IDH1: variants seen among roughly 807,000 people sequenced by gnomAD.
The protein encoded by IDH1 is isocitrate dehydrogenase [NADP] cytoplasmic.
IDH1 carries 33 observed loss-of-function variants against 46.1 expected under a neutral mutation model. The observed-to-expected ratio is 0.72, with a 90% confidence interval of 0.54 to 0.96. The LOEUF (loss-of-function observed/expected upper bound fraction) is 0.96, where lower values mean the gene tolerates loss of function less well. Ranked by LOEUF, IDH1 falls within the 40% of genes least tolerant of loss-of-function variation. The probability of loss-of-function intolerance (pLI) is 0.00; values close to 1 mark genes in which losing one functional copy is unlikely to be tolerated. For synonymous variants in IDH1, 144 were observed against 172.8 expected, an observed-to-expected ratio of 0.83 and a Z score of 1.31; for missense variants, 421 against 515.7, an observed-to-expected ratio of 0.82 and a Z score of 1.78.
chr2:208,254,499 C>T (rs761023294), intron 1 of IDH1: 1 of 152,308 alleles, frequency 6.6e-6, no homozygotes, highest in Admixed American at 6.5e-5. Flanking sequence ...TTCCTCGCCG[C>T]CTGAGTTGCC....
chr2:208,254,904 A>G (rs1262483496), intron 1 of IDH1, 35 bp downstream of exon 1: 3 of 152,356 alleles, frequency 2.0e-5, no homozygotes, highest in African/African-American at 4.8e-5. Flanking sequence ...CTCCACAGCC[A>G]GGGACCGGGG....
intron 3 of IDH1, among the ~76,000 whole-genome samples, chr2:208,249,438 G>A (rs978936805): frequency 3.3e-5 from 5 of 152,106 alleles, no homozygotes; most frequent in African/African-American, 1.2e-4. Flanking sequence ...TCCATCAATG[G>A]TTTTCTACAT....
chr2:208,241,510 G>A (rs1461275620), intron 7 of IDH1, among the ~76,000 whole-genome samples: 3 of 151,932 alleles, frequency 2.0e-5, no homozygotes, highest in African/African-American at 7.3e-5. Context: ...AGGATTACAG[G>A]CGTGAGCCAC....
Position 208,239,988 on chromosome 2 carries a change from C to T in IDH1, c.866G>A (p.Gly289Asp). 6.2e-7 allele frequency: 1 copy of T among 1,614,180 alleles called. No individual in the cohort carries two copies. The stretch of plus-strand genomic sequence containing the variant: ...ACAAACCAGCACGCTGGTCATCATG[C>T]CGAGAGAGCCATACCCTGTAAGTAG... The part of the protein sequence containing the change: ...DSVAQGYGSL[G>D]MMTSVLVCPD... Residue 289 changes from glycine to aspartate, a missense_variant, in exon 8 of 10, where the codon GGC (glycine) becomes GAC (aspartate). Transcript: ENST00000345146.
chr2:208,251,093 C>T (rs1688113705), intron 3 of IDH1, among the ~76,000 whole-genome samples: 2 of 152,022 alleles, frequency 1.3e-5, no homozygotes, highest in African/African-American at 4.8e-5. Context: ...GTTTTTCTAG[C>T]AGTATGTTAA....
chr2:208,240,069 G>A (rs1312187559), intron 7 of IDH1, 66 bp from the exon 8 acceptor site: 39 of 1,550,910 alleles, frequency 2.5e-5, no homozygotes, highest in Non-Finnish European at 3.3e-5. Flanking sequence ...TCTCAGAGAT[G>A]AGAGCATAAA....
intron 4 of IDH1, 39 bp from the exon 5 acceptor site, chr2:208,245,463 A>G (rs781584145): frequency 2.8e-6 from 3 of 1,085,450 alleles, no homozygotes; most frequent in Non-Finnish European, 2.9e-6. Flanking sequence ...AAAAAAAAAT[A>G]CCCTAGCAGG....
At chr2:208,238,814 C>A (rs1687865079) in intron 9 of IDH1, among the ~76,000 whole-genome samples, 1 of 152,160 alleles carries the variant, frequency 6.6e-6, no homozygotes, top group Non-Finnish European at 1.5e-5. Flanking sequence ...ACCAGCCACA[C>A]CATTTGATTC....
At chr2:208,239,826 ACT>A (rs1289440217) in intron 8 of IDH1, 35 bp downstream of exon 8, 3 of 1,611,798 alleles carry the variant, frequency 1.9e-6, no homozygotes, top group South Asian at 1.1e-5. Context: ...TTTGGAGAGC[ACT>A]CTCTGGTGAG....
chr2:208,240,353 C>T, intron 7 of IDH1: 1 of 276,804 alleles, frequency 3.6e-6, no homozygotes, highest in South Asian at 4.3e-5. Context: ...ACAGCACCTA[C>T]TTCACTAGGT....
chr2:208,253,365 A>G (rs1688157453), intron 2 of IDH1, among the ~76,000 whole-genome samples: 1 of 152,224 alleles, frequency 6.6e-6, no homozygotes, highest in Non-Finnish European at 1.5e-5. Context: ...TACCATGTGG[A>G]ACATAATTGT....
intron 3 of IDH1, 134 bp downstream of exon 3, chr2:208,251,296 C>T (rs1688118812): frequency 1.2e-6 from 1 of 816,646 alleles, no homozygotes; most frequent in African/African-American, 1.7e-5. Flanking sequence ...GTTGCCCAGG[C>T]TGGACTTGAA....
chr2:208,253,399 T>C (rs1453837097), intron 2 of IDH1, among the ~76,000 whole-genome samples: 1 of 152,242 alleles, frequency 6.6e-6, no homozygotes, highest in Non-Finnish European at 1.5e-5. Flanking sequence ...CTGATTTCCA[T>C]GGGATGGGCT....
At chr2:208,239,776 C>T in intron 8 of IDH1, 87 bp downstream of exon 8, 2 of 1,341,280 alleles carry the variant, frequency 1.5e-6, no homozygotes, top group Non-Finnish European at 2.1e-6. Flanking sequence ...TGACTTTGCA[C>T]ACAAAACACT....
intron 7 of IDH1, among the ~76,000 whole-genome samples, chr2:208,241,487 C>G (rs554979559): frequency 3.1e-4 from 47 of 151,314 alleles, no homozygotes; most frequent in Middle Eastern, 3.4e-3. Context: ...CTGCCTTGGC[C>G]TCTCAAAGTG....
In IDH1 at chr2:208,248,798, C is replaced by T. The variant is rs981469832; in HGVS notation, c.123-138G>A. ...CACCAAAATCTGCCAAGTTTTAGCA[C>T]TGGCACACCCTAAACACAGAAGATG... is the stretch of plus-strand genomic sequence containing the variant. On this transcript the variant is annotated intron_variant, in intron 3 of 9. Transcript: ENST00000345146. The T allele has an allele frequency of 1.4e-5, 10 of 735,358 alleles. No homozygotes were observed. The African/African-American group carries it at 1.7e-4, about 13-fold the overall frequency. 45.6% of individuals were successfully genotyped at this position (735,358 alleles called of 1,614,324 possible). A position where few individuals can be genotyped will look rare whatever the true frequency, so the allele number is the denominator to read the frequency against.
intron 9 of IDH1, among the ~76,000 whole-genome samples, chr2:208,237,724 T>C (rs1215155222): frequency 1.1e-4 from 16 of 139,948 alleles, no homozygotes; most frequent in Middle Eastern, 4.0e-3. Flanking sequence ...ATGGAGACCA[T>C]CCTGGCTAAC....
At chr2:208,247,055 C>G (rs1482862314) in intron 4 of IDH1, among the ~76,000 whole-genome samples, 2 of 152,172 alleles carry the variant, frequency 1.3e-5, no homozygotes, top group Non-Finnish European at 2.9e-5. Context: ...TCTACCTTCC[C>G]TTGCTTGGGC....
rs1687815615 is a variant in IDH1, at chr2:208,236,553, A to G, written c.*526T>C. 3 of 235,756 alleles carry G rather than the reference A, an allele frequency of 1.3e-5. No homozygotes were observed. Among genetic ancestry groups the G allele is most frequent in the Non-Finnish European group, 2.5e-5 (3 of 119,668 alleles). 14.6% of individuals were successfully genotyped at this position (235,756 alleles called of 1,614,324 possible). A position where few individuals can be genotyped will look rare whatever the true frequency, so the allele number is the denominator to read the frequency against. On this transcript the variant is annotated 3_prime_UTR_variant, in exon 10 of 10. Transcript: ENST00000345146. ...ATTCAGCAAGGTCTTTACAAAAATG[A>G]CTGCAGTATCTTCAACACATTTGAG...
Sources: gnomAD v4.1 joint callset for allele counts (sites outside exome capture counted in the v4.1 genomes callset) on GRCh38, gnomAD v4.1.1 for gene constraint, MANE v1.5 for transcripts, NCBI Gene and HGNC (gene_info 2026-07-23, HGNC 2026-07-21) for gene names.